Variants in A1CF observed in about 807,000 individuals in gnomAD.
The protein encoded by A1CF is APOBEC1 complementation factor, also known as APOBEC-1 stimulating protein.
In A1CF, 48 loss-of-function variants were observed where a neutral mutation model predicts 68.9. The observed-to-expected ratio is 0.70, with a 90% confidence interval of 0.55 to 0.89. The LOEUF (loss-of-function observed/expected upper bound fraction) is 0.89, where lower values mean the gene tolerates loss of function less well. Ranked by LOEUF, A1CF falls within the 40% of genes least tolerant of loss-of-function variation. A1CF has a pLI of 0.00. For synonymous variants in A1CF, 272 were observed against 260.4 expected, an observed-to-expected ratio of 1.04 and a Z score of -0.43; for missense variants, 653 against 718.9, an observed-to-expected ratio of 0.91 and a Z score of 1.05.
intron 6 of A1CF, chr10:50,828,533 G>A (rs910275135): frequency 1.8e-5 from 6 of 328,018 alleles, no homozygotes; most frequent in East Asian, 9.2e-5. Flanking sequence ...GAACCAGGAC[G>A]TGGTTTGAGG....
chr10:50,839,364 G>A lies in A1CF; in HGVS notation c.365+2498C>T, dbSNP rs369292513. On this transcript the variant is annotated intron_variant, in intron 5 of 12. Transcript: ENST00000373997. ...AAGGTTCCATGAAAGACCAAGGAAT[G>A]GGGGAAACTTCCAATTCTGGAAATC... Among the ~76,000 whole-genome samples, 53 of 152,306 alleles carry A rather than the reference G, an allele frequency of 3.5e-4. 2 individuals carry two copies. In the South Asian group the frequency reaches 1.0e-2, roughly 29 times the overall value.
At chr10:50,827,037 G>T (rs1838977440) in intron 7 of A1CF, among the ~76,000 whole-genome samples, 1 of 152,198 alleles carries the variant, frequency 6.6e-6, no homozygotes, top group East Asian at 1.9e-4. Context: ...AGACAAAGAA[G>T]GCCATTACAT....
rs749520679 is a variant in A1CF, at chr10:50,813,973, A to G, written c.1207T>C (p.Tyr403His). The change falls in exon 10 of 13, where the codon TAC becomes CAC. Residue 403 changes from tyrosine (Y) to histidine (H), a missense_variant. By Grantham distance (83) the Tyr-to-His change is moderately conservative. Transcript: ENST00000373997. ...TCTCTTTTGTCTCCTTTGACCTGGT[A>G]TCCTCGACCCAGGCCTGTGTATGCC... is the stretch of plus-strand genomic sequence containing the variant. ...YLAYTGLGRG[Y>H]QVKGDKREDK... 3.1e-6 allele frequency: 5 copies of G among 1,613,854 alleles called. No homozygotes were observed. The highest frequency in any genetic ancestry group is 3.4e-6 in the Non-Finnish European group (4 of 1,179,850).
intron 3 of A1CF, chr10:50,850,592 TTGTG>T (rs58342464): frequency 3.3e-5 from 48 of 1,447,190 alleles, no homozygotes; most frequent in Non-Finnish European, 4.0e-5. Flanking sequence ...CAAAAAGCAT[TTGTG>T]TGTGTGTGTG....
chr10:50,817,324 C>G (rs1193852460), intron 8 of A1CF, among the ~76,000 whole-genome samples: 1 of 152,188 alleles, frequency 6.6e-6, no homozygotes, highest in Non-Finnish European at 1.5e-5. Flanking sequence ...TTCCCATTCA[C>G]AGCAGCTGAG....
At chr10:50,880,298 G>A (rs1313952618) in intron 1 of A1CF, among the ~76,000 whole-genome samples, 1 of 152,174 alleles carries the variant, frequency 6.6e-6, no homozygotes, top group Admixed American at 6.5e-5. Flanking sequence ...ATTTCTCTGT[G>A]TCCCTAAGCT....
At chr10:50,853,940 T>C (rs1411352272) in intron 3 of A1CF, among the ~76,000 whole-genome samples, 3 of 152,072 alleles carry the variant, frequency 2.0e-5, no homozygotes, top group Non-Finnish European at 2.9e-5. Context: ...GCTTATTTTC[T>C]AACTGCAGAA....
chr10:50,821,313 G>A (rs1017591847), intron 7 of A1CF, among the ~76,000 whole-genome samples: 2 of 152,140 alleles, frequency 1.3e-5, no homozygotes, highest in Admixed American at 1.3e-4. Context: ...TGGAAACAAT[G>A]TAAATATCTA....
At position 50,844,070 on chromosome 10, in the gene A1CF, G is replaced by A. The variant is rs756797232; in HGVS notation, c.152C>T (p.Pro51Leu). 1.9e-6 allele frequency: 3 copies of A among 1,612,846 alleles called. No homozygotes were observed. Among genetic ancestry groups the A allele is most frequent in the South Asian group, 2.2e-5 (2 of 90,770 alleles). The stretch of plus-strand genomic sequence containing the variant: ...AAAAATTTCACAGCCCCTTTCAGGG[G>A]GTGCAGCATCCCAACCAGGTGGAGG... Reference protein sequence around the residue: ...GGPPPGWDAAPPERGCEIFIG... With the variant: ...GGPPPGWDAALPERGCEIFIG... The change falls in exon 4 of 13, where the codon CCC becomes CTC. Residue 51 changes from proline (P) to leucine (L), a missense_variant. By Grantham distance (98) the Pro-to-Leu change is moderately conservative. Coordinates refer to ENST00000373997, the MANE Select transcript of A1CF (RefSeq NM_014576.4).
chr10:50,844,245 T>C, intron 3 of A1CF, 123 bp from the exon 4 acceptor site: 2 of 1,379,164 alleles, frequency 1.5e-6, no homozygotes, highest in African/African-American at 1.5e-5. Flanking sequence ...CAAGTAATAA[T>C]AGTGGACTGG....
chr10:50,837,427 C>T (rs1161230495), intron 5 of A1CF, among the ~76,000 whole-genome samples: 1 of 152,006 alleles, frequency 6.6e-6, no homozygotes, highest in African/African-American at 2.4e-5. Flanking sequence ...CAACCTTTGA[C>T]CAAATAAAGT....
intron 1 of A1CF, among the ~76,000 whole-genome samples, chr10:50,879,163 G>A (rs1841658220): frequency 6.6e-6 from 1 of 152,140 alleles, no homozygotes; most frequent in Non-Finnish European, 1.5e-5. Context: ...CAGGTTGGTG[G>A]AGCTGCTATT....
intron 1 of A1CF, among the ~76,000 whole-genome samples, chr10:50,880,928 GGGTGGTT>G (rs1841740850): frequency 6.6e-6 from 1 of 151,852 alleles, no homozygotes; most frequent in Non-Finnish European, 1.5e-5. Flanking sequence ...TCCCATATGG[GGGTGGTT>G]CTTCTCTCAC....
chr10:50,831,872 A>T (rs927952459), intron 6 of A1CF, among the ~76,000 whole-genome samples: 1 of 152,148 alleles, frequency 6.6e-6, no homozygotes, highest in African/African-American at 2.4e-5. Context: ...ATGAGTTATC[A>T]CCTCACACCT....
intron 7 of A1CF, among the ~76,000 whole-genome samples, chr10:50,821,280 T>C (rs1442840463): frequency 1.3e-5 from 2 of 152,182 alleles, no homozygotes; most frequent in African/African-American, 2.4e-5. Context: ...GTTGCCTGCC[T>C]TGCTGTCATG....
chr10:50,872,559 A>G (rs1017115951), intron 1 of A1CF, among the ~76,000 whole-genome samples: 8 of 152,160 alleles, frequency 5.3e-5, no homozygotes, highest in African/African-American at 1.7e-4. Context: ...CCTGCCTTAA[A>G]GTGTTGCTGT....
chr10:50,835,972 C>G, intron 6 of A1CF, 102 bp downstream of exon 6: 1 of 1,067,014 alleles, frequency 9.4e-7, no homozygotes, highest in Non-Finnish European at 1.4e-6. Context: ...TAAAATACAG[C>G]GTAATGAAAG....
intron 5 of A1CF, among the ~76,000 whole-genome samples, chr10:50,839,997 C>G (rs1321690688): frequency 6.6e-6 from 1 of 152,182 alleles, no homozygotes; most frequent in African/African-American, 2.4e-5. Context: ...CCGCCTTGGC[C>G]TCCCAAAGTG....
chr10:50,832,388 T>G (rs1564509000), intron 6 of A1CF, among the ~76,000 whole-genome samples: 1 of 152,176 alleles, frequency 6.6e-6, no homozygotes, highest in East Asian at 1.9e-4. Context: ...AATTCTGATA[T>G]AAGTGGGCTG....
Sources: gnomAD v4.1 joint callset for allele counts (sites outside exome capture counted in the v4.1 genomes callset) on GRCh38, gnomAD v4.1.1 for gene constraint, MANE v1.5 for transcripts, NCBI Gene and HGNC (gene_info 2026-07-23, HGNC 2026-07-21) for gene names.